The following TBCCD1 variants were observed in gnomAD, a reference collection of about 807,000 sequenced individuals.
The protein encoded by TBCCD1 is TBCC domain-containing protein 1.
TBCCD1 carries 26 observed loss-of-function variants against 53.4 expected under a neutral mutation model. That is an observed-to-expected ratio of 0.49 (90% confidence interval 0.36 to 0.68). The LOEUF is 0.68. TBCCD1 is among the 30% of genes least tolerant of loss of function. The pLI, the probability that TBCCD1 is intolerant of heterozygous loss-of-function variation, is 0.00. For missense variants in TBCCD1, 558 were observed against 669.5 expected, an observed-to-expected ratio of 0.83 and a Z score of 1.84; for synonymous variants, 245 against 241.7, an observed-to-expected ratio of 1.01 and a Z score of -0.13.
rs752346075 is a variant in TBCCD1, at chr3:186,554,293, T to G, written c.1505A>C (p.Gln502Pro). 6.2e-7 allele frequency: 1 copy of G among 1,614,114 alleles called. No homozygotes were observed. Among genetic ancestry groups the G allele is most frequent in the Non-Finnish European group, 8.5e-7 (1 of 1,180,020 alleles). Residue 502 changes from glutamine to proline, a missense_variant, in exon 6 of 8, where the codon CAG becomes CCG. Gln to Pro is a moderately conservative substitution (Grantham distance 76, BLOSUM62 -1). Coordinates refer to ENST00000338733, the MANE Select transcript of TBCCD1 (RefSeq NM_018138.5). ...KALGQREQKI[Q>P]IWQKTVKEAH... is the part of the protein sequence containing the mutation. ...CTCCTTCACAGTTTTCTGCCAGATC[T>G]GTATCTTCTGTTCTCTTTGACCCAG...
upstream of TBCCD1, among the ~76,000 whole-genome samples, chr3:186,569,534 G>A (rs1382957811): frequency 2.0e-5 from 3 of 151,682 alleles, no homozygotes; most frequent in Non-Finnish European, 4.4e-5. Context: ...GGCCAGCCTG[G>A]TCTCAAGCTC....
intron 2 of TBCCD1, among the ~76,000 whole-genome samples, chr3:186,559,810 A>C (rs1714643898): frequency 6.6e-6 from 1 of 152,220 alleles, no homozygotes; most frequent in Non-Finnish European, 1.5e-5. Flanking sequence ...CCGCCTTGCC[A>C]AACTATAGGA....
intron 3 of TBCCD1, 86 bp from the exon 4 acceptor site, chr3:186,556,861 ACT>A: frequency 6.9e-7 from 1 of 1,444,346 alleles, no homozygotes; most frequent in Non-Finnish European, 9.3e-7. Context: ...TTGTATTTAT[ACT>A]CTGCCTCATC....
intron 1 of TBCCD1, among the ~76,000 whole-genome samples, chr3:186,567,003 G>A (rs535033045): frequency 1.3e-5 from 2 of 152,360 alleles, no homozygotes; most frequent in African/African-American, 2.4e-5. Flanking sequence ...GGTGCCCTGA[G>A]GTTAAGGTTT....
rs775960364 is a variant in TBCCD1, at chr3:186,564,586, AC to A, written c.-43-215del. On this transcript the variant is annotated intron_variant, in intron 1 of 7. Coordinates refer to ENST00000338733, the MANE Select transcript of TBCCD1 (RefSeq NM_018138.5). Reference sequence around the variant, plus strand: ...AATTGTGATAAAACAAAATTATCTTACTTGAATTGTTAGAAATCCTTGTTTT... The same window carrying A: ...AATTGTGATAAAACAAAATTATCTTATTGAATTGTTAGAAATCCTTGTTTT... 3.3e-5 allele frequency among the ~76,000 whole-genome samples: 5 copies of A among 152,318 alleles called. 1 individual carries two copies. Among genetic ancestry groups the A allele is most frequent in the Non-Finnish European group, 7.3e-5 (5 of 68,034 alleles).
chr3:186,556,649 C>T lies in TBCCD1; in HGVS notation c.619G>A (p.Glu207Lys), dbSNP rs758036768. 23 of 1,614,000 alleles carry T rather than the reference C, an allele frequency of 1.4e-5. No homozygotes were observed. Among genetic ancestry groups the T allele is most frequent in the Non-Finnish European group, 1.9e-5 (23 of 1,180,026 alleles). ...HSTHSSLVSR[E>K]AVVALSFLIE... ...AGGAAGCTGAGCGCCACAACAGCTT[C>T]TCGAGACACTAGACTACTATGGGTT... The change falls in exon 4 of 8, where the codon GAA becomes AAA. Residue 207 changes from glutamate (E) to lysine (K), a missense_variant. Coordinates refer to ENST00000338733, the MANE Select transcript of TBCCD1 (RefSeq NM_018138.5).
rs2108459258 is a variant in TBCCD1, at chr3:186,556,755, G to T, written c.513C>A (p.His171Gln). ...ACAGATGATCATAGACAAAAGCTTG[G>T]TGACTGTAATCATTCCAGTTCTAAA... ...CHNKNWNDYS[H>Q]QAFVYDHLSD... Residue 171 changes from histidine to glutamine, a missense_variant, in exon 4 of 8, where the codon CAC becomes CAA. Coordinates refer to ENST00000338733, the MANE Select transcript of TBCCD1 (RefSeq NM_018138.5). 1 of 1,613,894 alleles carries T rather than the reference G, an allele frequency of 6.2e-7. No homozygotes were observed. Among genetic ancestry groups the T allele is most frequent in the East Asian group, 2.2e-5 (1 of 44,878 alleles).
intron 7 of TBCCD1, among the ~76,000 whole-genome samples, chr3:186,549,418 T>A (rs1714306380): frequency 6.6e-6 from 1 of 152,162 alleles, no homozygotes; most frequent in African/African-American, 2.4e-5. Context: ...ATGCCTGTAA[T>A]CCCAGCACTT....
intron 2 of TBCCD1, among the ~76,000 whole-genome samples, chr3:186,561,919 C>A (rs1203965354): frequency 6.6e-6 from 1 of 152,252 alleles, no homozygotes; most frequent in East Asian, 1.9e-4. Flanking sequence ...AATACCTGCA[C>A]TCCCATGTTC....
At chr3:186,554,869 C>T in intron 5 of TBCCD1, 29 bp downstream of exon 5, 4 of 1,610,058 alleles carry the variant, frequency 2.5e-6, no homozygotes, top group Non-Finnish European at 3.4e-6. Context: ...AATGTCAGAA[C>T]ATCAGAACAC....
intron 7 of TBCCD1, among the ~76,000 whole-genome samples, chr3:186,549,219 T>C (rs1243196501): frequency 6.6e-6 from 1 of 152,130 alleles, no homozygotes; most frequent in Admixed American, 6.6e-5. Context: ...ACCTGGGAAG[T>C]GACGGTTGCA....
At chr3:186,569,998 A>AT (rs753545120), upstream of TBCCD1, 13 of 595,496 alleles carry the variant, frequency 2.2e-5, no homozygotes, top group East Asian at 1.4e-4. Context: ...TGATTTACCG[A>AT]TTTTTTTCCC....
intron 1 of TBCCD1, among the ~76,000 whole-genome samples, chr3:186,566,669 T>C (rs546170423): frequency 6.6e-6 from 1 of 152,220 alleles, no homozygotes; most frequent in South Asian, 2.1e-4. Context: ...CGGGAGTGGA[T>C]CCAGAAGAGA....
Position 186,546,692 on chromosome 3 carries a change from G to C in TBCCD1, c.*285C>G, listed in dbSNP as rs939599646. On this transcript the variant is annotated 3_prime_UTR_variant, in exon 8 of 8. Coordinates refer to ENST00000338733, the MANE Select transcript of TBCCD1 (RefSeq NM_018138.5). Reference sequence around the variant, plus strand: ...AAAATACAAAAAAAATTGGCCGGGCGTGGTGGCGGGCGCCTGTAGTCCCAG... The same window carrying C: ...AAAATACAAAAAAAATTGGCCGGGCCTGGTGGCGGGCGCCTGTAGTCCCAG... The C allele has an allele frequency of 2.0e-5, 3 of 152,168 alleles. No homozygotes were observed. The highest frequency in any genetic ancestry group is 2.0e-4 in the Admixed American group (3 of 15,282). The allele number at this position is 152,168 out of a possible 1,614,324, so 9.4% of individuals were successfully genotyped here.
At chr3:186,553,398 GTTA>G (rs888974961) in intron 6 of TBCCD1, 20 of 152,202 alleles carry the variant, frequency 1.3e-4, no homozygotes, top group African/African-American at 4.8e-4. Flanking sequence ...TTATTATAAT[GTTA>G]TTATTGTACA....
rs369244102 is a variant in TBCCD1 at position 186,565,973 on chromosome 3, ATGAC to A, written c.-44+1290_-44+1293del. ...AAAACTAATTTAAAAAATCAATTAT[ATGAC>A]TGATGAAAATTTTATTGCTATTATT... On this transcript the variant is annotated intron_variant, in intron 1 of 7. Coordinates refer to ENST00000338733, the MANE Select transcript of TBCCD1 (RefSeq NM_018138.5). 6.7e-4 allele frequency among the ~76,000 whole-genome samples: 102 copies of A among 152,236 alleles called. 1 individual carries two copies. The South Asian group carries it at 0.02, about 30-fold the overall frequency.
rs113079780 is a variant in TBCCD1 at position 186,554,565 on chromosome 3, G to A, written c.1233C>T (p.Asn411=). The A allele has an allele frequency of 8.4e-5, 136 of 1,614,240 alleles. 1 individual carries two copies. In the African/African-American group the frequency reaches 1.3e-3, roughly 16 times the overall value. Residue 411 remains asparagine (N), a synonymous_variant, in exon 6 of 8, where the codon AAC becomes AAT. Transcript: ENST00000338733. The stretch of plus-strand genomic sequence containing the variant: ...GAAAAGGGGCAAAAGTTACTGTCTG[G>A]TTCCCAGAGAGAATAAGTGGGCGTG... ...TPTRPLILSG[N]QTVTFAPFHT...
Position 186,554,730 on chromosome 3 carries a change from G to T in TBCCD1, c.1068C>A (p.Cys356Ter). ...SPLRSVTIEKCRNSIFVLGPV... is the reference protein window; with the variant it reads ...SPLRSVTIEK The stretch of plus-strand genomic sequence containing the variant: ...GGCCCAAGACAAAGATGCTATTCCT[G>T]CACTTCTCAATTGTCACAGATCTGA... The change falls in exon 6 of 8, where the codon TGC (cysteine) becomes TGA (stop). Residue 356 changes from cysteine to a stop codon, truncating the protein, a stop_gained. Coordinates refer to ENST00000338733, the MANE Select transcript of TBCCD1 (RefSeq NM_018138.5). LOFTEE classifies it high-confidence loss of function. 1 of 1,613,652 alleles carries T rather than the reference G, an allele frequency of 6.2e-7. No homozygotes were observed. The highest frequency in any genetic ancestry group is 1.1e-5 in the South Asian group (1 of 90,938).
chr3:186,558,626 G>A (rs1272928771), intron 2 of TBCCD1, 54 bp from the exon 3 acceptor site: 3 of 1,570,714 alleles, frequency 1.9e-6, no homozygotes, highest in African/African-American at 1.4e-5. Context: ...TCAACCACTA[G>A]TCTAACAACT....
Sources: allele counts gnomAD v4.1 joint callset (sites outside exome capture counted in the v4.1 genomes callset), GRCh38; gene constraint gnomAD v4.1.1; transcripts MANE v1.5; gene names NCBI Gene and HGNC (gene_info 2026-07-23, HGNC 2026-07-21).